The following NPFFR1 variants were observed in gnomAD, a reference collection of about 807,000 sequenced individuals.
NPFFR1 encodes the protein G-protein coupled receptor 147.
A neutral mutation model predicts 12.7 loss-of-function variants in NPFFR1; 17 were observed. The ratio of observed to expected loss-of-function variants is 1.34; its 90% CI spans 0.92 to 2.01. The LOEUF (loss-of-function observed/expected upper bound fraction) is 2.01, where lower values mean the gene tolerates loss of function less well. Ranked by LOEUF, NPFFR1 falls within the 30% of genes most tolerant of loss-of-function variation. The probability of loss-of-function intolerance (pLI) is 0.00; values close to 1 mark genes in which losing one functional copy is unlikely to be tolerated. For missense variants in NPFFR1, 604 were observed against 606.5 expected, an observed-to-expected ratio of 1.00 and a Z score of 0.04; for synonymous variants, 296 against 264.5, an observed-to-expected ratio of 1.12 and a Z score of -1.16.
chr10:70,277,037 A>G (rs1157563899), intron 1 of NPFFR1, among the ~76,000 whole-genome samples: 1 of 152,200 alleles, frequency 6.6e-6, no homozygotes, highest in Non-Finnish European at 1.5e-5. Context: ...GGGCCACTCA[A>G]TGATTGTAGT....
intron 1 of NPFFR1, among the ~76,000 whole-genome samples, chr10:70,267,152 T>C (rs1055657651): frequency 6.6e-6 from 1 of 152,134 alleles, no homozygotes; most frequent in Admixed American, 6.5e-5. Context: ...ATCTCCTCCA[T>C]GGAACTTTAG....
intron 2 of NPFFR1, among the ~76,000 whole-genome samples, chr10:70,262,880 A>G (rs190258963): frequency 6.6e-6 from 1 of 152,208 alleles, no homozygotes; most frequent in East Asian, 1.9e-4. Context: ...GCTTCTAAAT[A>G]CTATTCTCAG....
At chr10:70,270,354 TG>T (rs1373063806) in intron 1 of NPFFR1, among the ~76,000 whole-genome samples, 1 of 152,140 alleles carries the variant, frequency 6.6e-6, no homozygotes, top group Non-Finnish European at 1.5e-5. Context: ...CAGCACCTGT[TG>T]GGAGACTTGC....
intron 1 of NPFFR1, among the ~76,000 whole-genome samples, chr10:70,283,234 T>C (rs1398664920): frequency 6.6e-6 from 1 of 150,914 alleles, no homozygotes; most frequent in East Asian, 2.0e-4. Flanking sequence ...TCTCTCTCTC[T>C]CTCTCACACA....
chr10:70,248,494 T>G lies in NPFFR1; in HGVS notation c.*6463A>C, dbSNP rs903417788. The G allele has an allele frequency of 4.3e-5, 6 of 138,348 alleles. No individual in the cohort carries two copies. The highest frequency in any genetic ancestry group is 1.4e-4 in the African/African-American group (5 of 36,612). The allele number at this position is 138,348 out of a possible 1,614,324, so 8.6% of individuals were successfully genotyped here. ...TTTTTTTTTGTTTTTTGTTTTTTTT[T>G]TTTTTTTTTGAGATGGAGTCTCACT... On this transcript the variant is annotated 3_prime_UTR_variant, in exon 4 of 4. Transcript: ENST00000277942.
At chr10:70,282,718 G>C (rs1240432765) in intron 1 of NPFFR1, among the ~76,000 whole-genome samples, 1 of 152,130 alleles carries the variant, frequency 6.6e-6, no homozygotes, top group Non-Finnish European at 1.5e-5. Context: ...TGGGTGACCA[G>C]TGGCACAGAA....
rs1041118135 is a variant in NPFFR1 at position 70,254,566 on chromosome 10, A to T, written c.*391T>A. On this transcript the variant is annotated 3_prime_UTR_variant, in exon 4 of 4. Coordinates refer to ENST00000277942, the MANE Select transcript of NPFFR1 (RefSeq NM_022146.5). ...GCCCTCTTGGAGCCAGCTGGAGATG[A>T]TAAAAACCACACAGGTATTGGAGTC... The T allele has an allele frequency of 1.6e-5, 3 of 185,012 alleles. No homozygotes were observed. The highest frequency in any genetic ancestry group is 4.7e-5 in the African/African-American group (2 of 42,844). 11.5% of individuals were successfully genotyped at this position (185,012 alleles called of 1,614,324 possible). A position where few individuals can be genotyped will look rare whatever the true frequency, so the allele number is the denominator to read the frequency against.
At chr10:70,257,903 C>T (rs910331111) in intron 3 of NPFFR1, among the ~76,000 whole-genome samples, 4 of 152,176 alleles carry the variant, frequency 2.6e-5, no homozygotes, top group Non-Finnish European at 5.9e-5. Context: ...ACGTGCACGT[C>T]CAGTCACAGT....
chr10:70,272,871 T>C (rs981923102), intron 1 of NPFFR1, among the ~76,000 whole-genome samples: 1 of 152,252 alleles, frequency 6.6e-6, no homozygotes, highest in African/African-American at 2.4e-5. Flanking sequence ...GTATTGACCA[T>C]GGGACATGGT....
At position 70,255,162 on chromosome 10, in the gene NPFFR1, C is replaced by G; in HGVS notation, c.1088G>C (p.Arg363Pro). The change falls in exon 4 of 4, where the codon CGG becomes CCG. Residue 363 changes from arginine (R) to proline (P), a missense_variant. Coordinates refer to ENST00000277942, the MANE Select transcript of NPFFR1 (RefSeq NM_022146.5). The surrounding 1 kb of genome is among the most constrained non-coding windows in gnomAD (Gnocchi z 4.2). The part of the protein sequence containing the change: ...SGSHKEAYSE[R>P]PGGLLHRRVF... ...CCGCCTGTGCAGAAGCCCGCCGGGC[C>G]GCTCGGAGTAGGCCTCCTTGTGGCT... is the stretch of plus-strand genomic sequence containing the variant. 3.9e-6 allele frequency: 6 copies of G among 1,542,844 alleles called. No homozygotes were observed. Among genetic ancestry groups the G allele is most frequent in the Non-Finnish European group, 3.5e-6 (4 of 1,146,122 alleles).
intron 3 of NPFFR1, among the ~76,000 whole-genome samples, chr10:70,259,878 A>C (rs1312508704): frequency 6.6e-6 from 1 of 152,238 alleles, no homozygotes; most frequent in African/African-American, 2.4e-5. Flanking sequence ...GGCTCAGAGT[A>C]GTTAGGTGAC....
In NPFFR1 at chr10:70,253,290, T is replaced by C. The variant is rs1840529179; in HGVS notation, c.*1667A>G. On this transcript the variant is annotated 3_prime_UTR_variant, in exon 4 of 4. Transcript: ENST00000277942. Reference sequence around the variant, plus strand: ...AGACCAAGAGCTTGGGCACCAGGAGTGGGCATTCTGGTTCACTGTTAGGCA... The same window carrying C: ...AGACCAAGAGCTTGGGCACCAGGAGCGGGCATTCTGGTTCACTGTTAGGCA... 1 of 151,994 alleles carries C rather than the reference T, an allele frequency of 6.6e-6. No individual in the cohort carries two copies. Among genetic ancestry groups the C allele is most frequent in the African/African-American group, 2.4e-5 (1 of 41,370 alleles). 9.4% of individuals were successfully genotyped at this position (151,994 alleles called of 1,614,324 possible). A position where few individuals can be genotyped will look rare whatever the true frequency, so the allele number is the denominator to read the frequency against.
rs1840887105 is a variant in NPFFR1 at position 70,283,820 on chromosome 10, G to C, written c.-144C>G. ...GCGCTCCGCAGGTCCGGTCGGTCCG[G>C]GCAGAGGTGAGCAGGGGGCGTGCGC... On this transcript the variant is annotated 5_prime_UTR_variant, in exon 1 of 4. Transcript: ENST00000277942. 1.1e-6 allele frequency: 1 copy of C among 893,214 alleles called. No individual in the cohort carries two copies. The highest frequency in any genetic ancestry group is 1.7e-6 in the Non-Finnish European group (1 of 591,154). 55.3% of individuals were successfully genotyped at this position (893,214 alleles called of 1,614,324 possible). A position where few individuals can be genotyped will look rare whatever the true frequency, so the allele number is the denominator to read the frequency against.
chr10:70,275,984 C>A (rs10999230), intron 1 of NPFFR1, among the ~76,000 whole-genome samples: 8 of 151,974 alleles, frequency 5.3e-5, no homozygotes, highest in African/African-American at 1.9e-4. Context: ...TAAGCCAGGA[C>A]GCCTGTTCTG....
At chr10:70,282,075 T>G (rs1279099487) in intron 1 of NPFFR1, among the ~76,000 whole-genome samples, 1 of 152,218 alleles carries the variant, frequency 6.6e-6, no homozygotes, top group African/African-American at 2.4e-5. Flanking sequence ...TCCTTCATTC[T>G]CTGTAGTTTC....
At chr10:70,264,982 A>T (rs1840675045) in intron 2 of NPFFR1, among the ~76,000 whole-genome samples, 1 of 152,352 alleles carries the variant, frequency 6.6e-6, no homozygotes, top group East Asian at 1.9e-4. Flanking sequence ...ATCTCTGCAC[A>T]TGTGTGCCTG....
intron 1 of NPFFR1, among the ~76,000 whole-genome samples, chr10:70,271,253 C>T (rs933041994): frequency 6.6e-6 from 1 of 152,198 alleles, no homozygotes; most frequent in Non-Finnish European, 1.5e-5. Context: ...TGGCTCACCC[C>T]TGTAGTCACA....
intron 1 of NPFFR1, among the ~76,000 whole-genome samples, chr10:70,277,098 C>G (rs1840812218): frequency 6.6e-6 from 1 of 152,244 alleles, no homozygotes; most frequent in Non-Finnish European, 1.5e-5. Flanking sequence ...GGAAGCAGGA[C>G]AGATTGTCAT....
intron 1 of NPFFR1, among the ~76,000 whole-genome samples, chr10:70,268,547 C>T (rs923701542): frequency 3.3e-5 from 5 of 152,162 alleles, no homozygotes; most frequent in African/African-American, 1.2e-4. Context: ...CGTGCAGCTG[C>T]TGTAGTTATC....
Sources: gnomAD v4.1 joint callset for allele counts (sites outside exome capture counted in the v4.1 genomes callset) on GRCh38, gnomAD v4.1.1 for gene constraint, Gnocchi (gnomAD v3.1) non-coding constraint, MANE v1.5 for transcripts, NCBI Gene and HGNC (gene_info 2026-07-23, HGNC 2026-07-21) for gene names.